MRPS9: variants seen among roughly 807,000 people sequenced by gnomAD.
MRPS9 encodes mitochondrial ribosomal protein S9.
In MRPS9, 45 loss-of-function variants were observed where a neutral mutation model predicts 59.9. That is an observed-to-expected ratio of 0.75 (90% CI 0.59 to 0.96). The LOEUF is 0.96. Ranked by LOEUF, MRPS9 falls within the 40% of genes least tolerant of loss-of-function variation. MRPS9 has a pLI of 0.00. For synonymous variants in MRPS9, 171 were observed against 166.8 expected (o/e 1.03, Z -0.19); for missense variants, 473 against 481.1 (o/e 0.98, Z 0.16).
intron 10 of MRPS9, chr2:105,098,120 C>T (rs1680707769): frequency 6.6e-6 from 1 of 152,204 alleles, no homozygotes; most frequent in Non-Finnish European, 1.5e-5. Flanking sequence ...TTTTACCCTA[C>T]TCTGTGTAAC....
chr2:105,061,305 G>A (rs778632628), intron 2 of MRPS9, among the ~76,000 whole-genome samples: 1 of 151,168 alleles, frequency 6.6e-6, no homozygotes, highest in African/African-American at 2.4e-5. Flanking sequence ...CTGCATAATC[G>A]TGGTCAAAGA....
chr2:105,058,032 C>G (rs1215796191), intron 2 of MRPS9, among the ~76,000 whole-genome samples: 1 of 152,146 alleles, frequency 6.6e-6, no homozygotes, highest in Non-Finnish European at 1.5e-5. Context: ...ATGTTTTATT[C>G]TCCTAAGTGT....
intron 5 of MRPS9, among the ~76,000 whole-genome samples, chr2:105,085,548 C>G (rs930467681): frequency 6.6e-6 from 1 of 152,130 alleles, no homozygotes; most frequent in Non-Finnish European, 1.5e-5. Context: ...CAGAAGGATA[C>G]TAAAAATCAT....
At chr2:105,093,435 T>C in intron 8 of MRPS9, 95 bp from the exon 9 acceptor site, 1 of 655,754 alleles carries the variant, frequency 1.5e-6, no homozygotes, top group Non-Finnish European at 2.6e-6. Context: ...CAGTGTTGTG[T>C]ATTATTTTGG....
At chr2:105,079,253 T>C (rs1440400684) in intron 4 of MRPS9, among the ~76,000 whole-genome samples, 1 of 152,064 alleles carries the variant, frequency 6.6e-6, no homozygotes, top group Non-Finnish European at 1.5e-5. Flanking sequence ...GACCAGGAAG[T>C]ATAATCTGCT....
At chr2:105,087,609 T>C (rs1156475960) in intron 5 of MRPS9, among the ~76,000 whole-genome samples, 2 of 152,206 alleles carry the variant, frequency 1.3e-5, no homozygotes, top group Admixed American at 6.5e-5. Flanking sequence ...CTCTCAATTC[T>C]ACTACGCTTA....
chr2:105,081,023 T>C (rs956514447), intron 5 of MRPS9, among the ~76,000 whole-genome samples: 2 of 152,206 alleles, frequency 1.3e-5, no homozygotes, highest in African/African-American at 2.4e-5. Flanking sequence ...TGCTGAGTAA[T>C]GGAGCTGCGG....
At chr2:105,065,443 C>A (rs1679982700) in intron 2 of MRPS9, among the ~76,000 whole-genome samples, 1 of 152,126 alleles carries the variant, frequency 6.6e-6, no homozygotes, top group African/African-American at 2.4e-5. Context: ...ATGTGCTTTA[C>A]AAAACTGAAT....
chr2:105,073,142 C>T (rs1680144898), intron 4 of MRPS9, among the ~76,000 whole-genome samples: 1 of 151,618 alleles, frequency 6.6e-6, no homozygotes, highest in Admixed American at 6.6e-5. Flanking sequence ...TTTTTTAAAC[C>T]TCTCAGGCTC....
intron 2 of MRPS9, among the ~76,000 whole-genome samples, chr2:105,063,017 C>G (rs13399851): frequency 0.07 from 10,601 of 152,196 alleles, 524 homozygotes; most frequent in East Asian, 0.27. Context: ...ATTAAAAACA[C>G]CTGAAGAATT....
chr2:105,086,664 A>G (rs538034269), intron 5 of MRPS9, among the ~76,000 whole-genome samples: 2 of 152,222 alleles, frequency 1.3e-5, no homozygotes, highest in Non-Finnish European at 2.9e-5. Flanking sequence ...ATTCTTCGCT[A>G]GTTTGAAAGA....
chr2:105,083,226 G>A (rs191026913), intron 5 of MRPS9, among the ~76,000 whole-genome samples: 1 of 152,352 alleles, frequency 6.6e-6, no homozygotes, highest in African/African-American at 2.4e-5. Context: ...ATAGATGGCT[G>A]TGTAAAAAAT....
At chr2:105,068,005 G>C (rs1251976997) in intron 2 of MRPS9, among the ~76,000 whole-genome samples, 2 of 151,958 alleles carry the variant, frequency 1.3e-5, no homozygotes, top group Admixed American at 1.3e-4. Flanking sequence ...AATTTTTTTT[G>C]TAGAGATGGG....
chr2:105,071,078 G>C (rs1223988521), intron 2 of MRPS9, among the ~76,000 whole-genome samples: 2 of 152,164 alleles, frequency 1.3e-5, no homozygotes, highest in Admixed American at 6.5e-5. Flanking sequence ...TCATATTCAA[G>C]GAATGACATG....
rs1293585903 is a variant in MRPS9, at chr2:105,038,106, G to A, written c.14G>A (p.Cys5Tyr). The change falls in exon 1 of 11, where the codon TGT becomes TAT. Residue 5 changes from cysteine (C) to tyrosine (Y), a missense_variant. Physicochemically the swap from Cys to Tyr is radical, Grantham distance 194. Coordinates refer to ENST00000258455, the MANE Select transcript of MRPS9 (RefSeq NM_182640.3). MAAP[C>Y]VSYGGAVSYR... The stretch of plus-strand genomic sequence containing the variant: ...CCCACAGCTAACATGGCGGCGCCCT[G>A]TGTGTCCTACGGCGGAGCAGTTTCG... 1 of 1,613,934 alleles carries A rather than the reference G, an allele frequency of 6.2e-7. No individual in the cohort carries two copies. Among genetic ancestry groups the A allele is most frequent in the East Asian group, 2.2e-5 (1 of 44,876 alleles).
intron 6 of MRPS9, among the ~76,000 whole-genome samples, chr2:105,089,529 A>C (rs1303080538): frequency 6.6e-6 from 1 of 152,226 alleles, no homozygotes; most frequent in African/African-American, 2.4e-5. Flanking sequence ...ACCTTGTTTA[A>C]GTTAAGTTAA....
rs976548455 is a variant in MRPS9, at chr2:105,092,452, G to A, written c.703G>A (p.Ala235Thr). ...AAAGTTATTGACATCGCAGTGTGGT[G>A]CTGCTGAGGAAGAATTTGTGCAGAG... ...LEKLLTSQCGAAEEEFVQRFR... is the reference protein window; with the variant it reads ...LEKLLTSQCGTAEEEFVQRFR... Residue 235 changes from alanine (A) to threonine (T), a missense_variant, in exon 8 of 11, where the codon GCT (alanine) becomes ACT (threonine). Transcript: ENST00000258455. The A allele has an allele frequency of 9.3e-6, 15 of 1,613,858 alleles. No homozygotes were observed. Among genetic ancestry groups the A allele is most frequent in the South Asian group, 2.2e-5 (2 of 91,006 alleles).
rs114301121 is a variant in MRPS9 at position 105,078,085 on chromosome 2, C to G, written c.410-1898C>G. On this transcript the variant is annotated intron_variant, in intron 4 of 10. Coordinates refer to ENST00000258455, the MANE Select transcript of MRPS9 (RefSeq NM_182640.3). The stretch of plus-strand genomic sequence containing the variant: ...TGGTTACTGACGCAGAGTAGACAGA[C>G]CAATGAGCAAAGTCCTGGCAGCACG... Among the ~76,000 whole-genome samples, 1,309 of 150,496 alleles carry G rather than the reference C, an allele frequency of 8.7e-3. 9 individuals are homozygous for G. The highest frequency in any genetic ancestry group is 0.015 in the Non-Finnish European group (1,017 of 67,824).
In MRPS9 at chr2:105,089,943, T is replaced by C. The variant is rs1408265271; in HGVS notation, c.599T>C (p.Leu200Pro). The change falls in exon 7 of 11, where the codon CTG (leucine) becomes CCG (proline). Residue 200 changes from leucine to proline, a missense_variant. Transcript: ENST00000258455. ...VTRDVIGSRW[L>P]IKEELEEMLV... Reference sequence around the variant, plus strand: ...AGAGACGTGATTGGCAGCAGATGGCTGATTAAGGAGGAACTAGAAGAAATG... The same window carrying C: ...AGAGACGTGATTGGCAGCAGATGGCCGATTAAGGAGGAACTAGAAGAAATG... 2 of 1,610,376 alleles carry C rather than the reference T, an allele frequency of 1.2e-6. No homozygotes were observed. The highest frequency in any genetic ancestry group is 1.1e-5 in the South Asian group (1 of 90,594).
Sources: allele counts gnomAD v4.1 joint callset (sites outside exome capture counted in the v4.1 genomes callset), GRCh38; gene constraint gnomAD v4.1.1; transcripts MANE v1.5; gene names NCBI Gene and HGNC (gene_info 2026-07-23, HGNC 2026-07-21).